The following AHCY variants were observed in gnomAD, a reference collection of about 807,000 sequenced individuals.
AHCY encodes S-adenosyl-L-homocysteine hydrolase.
Under a neutral mutation model 45.4 loss-of-function variants are expected in AHCY, and 24 were observed. The observed-to-expected ratio is 0.53, with a 90% CI of 0.38 to 0.74. AHCY has a LOEUF of 0.74. Ranked by LOEUF, AHCY falls within the 30% of genes least tolerant of loss-of-function variation. The pLI, the probability that AHCY is intolerant of heterozygous loss-of-function variation, is 0.00. For synonymous variants in AHCY, 245 were observed against 235.1 expected, an observed-to-expected ratio of 1.04 and a Z score of -0.39; for missense variants, 449 against 594.1, an observed-to-expected ratio of 0.76 and a Z score of 2.54.
At chr20:34,235,825 GAAAGAAAGAAA>G in the AHCY span, among the ~76,000 whole-genome samples, 2 of 62,152 alleles carry the variant, frequency 3.2e-5, no homozygotes, top group East Asian at 4.0e-4. Flanking sequence ...AAGAAAGAAA[GAAAGAAAGAAA>G]GAAAGAAGGA....
the AHCY span, among the ~76,000 whole-genome samples, chr20:34,239,006 T>G: frequency 6.6e-6 from 1 of 152,210 alleles, no homozygotes; most frequent in Non-Finnish European, 1.5e-5. Context: ...TAGAGCTTCC[T>G]ACTCTGCCAT....
At chr20:34,243,396 C>T in the AHCY span, among the ~76,000 whole-genome samples, 1 of 152,132 alleles carries the variant, frequency 6.6e-6, no homozygotes, top group African/African-American at 2.4e-5. Flanking sequence ...ATAGTGAAAT[C>T]GGTACGTGTA....
At chr20:34,279,656 AAAGGT>A (rs1168655359), downstream of AHCY, among the ~76,000 whole-genome samples, 1 of 152,174 alleles carries the variant, frequency 6.6e-6, no homozygotes, top group Non-Finnish European at 1.5e-5. Context: ...GGGAAAAAGA[AAAGGT>A]AAGAATTAAT....
the AHCY span, among the ~76,000 whole-genome samples, chr20:34,235,833 GAAAGAAA>G: frequency 7.6e-4 from 48 of 63,102 alleles, no homozygotes; most frequent in African/African-American, 5.4e-3. Context: ...AAGAAAGAAA[GAAAGAAA>G]GAAGGAAGGA....
chr20:34,271,327 C>G, the AHCY span, among the ~76,000 whole-genome samples: 1 of 152,184 alleles, frequency 6.6e-6, no homozygotes, highest in Non-Finnish European at 1.5e-5. Flanking sequence ...GGTCTAATGA[C>G]CAGAACTGAA....
chr20:34,303,418 G>A (rs1488392177), upstream of AHCY: 1 of 1,212,478 alleles, frequency 8.2e-7, no homozygotes, highest in Non-Finnish European at 1.2e-6. Context: ...ATGACCCGCT[G>A]GGGCGGGGCC....
chr20:34,249,217 C>T, the AHCY span, among the ~76,000 whole-genome samples: 3 of 152,110 alleles, frequency 2.0e-5, no homozygotes, highest in African/African-American at 7.2e-5. Flanking sequence ...CCAGAAGTCA[C>T]ACAGGGAGCT....
At chr20:34,259,931 C>CT in the AHCY span, among the ~76,000 whole-genome samples, 1 of 152,010 alleles carries the variant, frequency 6.6e-6, no homozygotes, top group Non-Finnish European at 1.5e-5. Context: ...ATCTTTCTCA[C>CT]TGAGACTTAA....
At chr20:34,307,618 C>T (rs1202642489), upstream of AHCY, among the ~76,000 whole-genome samples, 3 of 152,158 alleles carry the variant, frequency 2.0e-5, no homozygotes, top group African/African-American at 4.8e-5. Flanking sequence ...GTGATCCGCC[C>T]GCCCTGGCTT....
chr20:34,272,364 A>G, the AHCY span, among the ~76,000 whole-genome samples: 2 of 152,326 alleles, frequency 1.3e-5, no homozygotes, highest in African/African-American at 4.8e-5. Context: ...GCAGGCAAAC[A>G]ATCAGTTCTG....
chr20:34,243,958 A>G, the AHCY span, among the ~76,000 whole-genome samples: 14 of 152,098 alleles, frequency 9.2e-5, no homozygotes, highest in African/African-American at 1.7e-4. Context: ...CCAGCTACTC[A>G]GGAGGCTGAG....
the AHCY span, among the ~76,000 whole-genome samples, chr20:34,260,084 A>C: frequency 1.3e-5 from 2 of 150,296 alleles, no homozygotes; most frequent in Admixed American, 1.3e-4. Flanking sequence ...CCAACACACC[A>C]CCCTCTGGAC....
chr20:34,276,919 G>T (rs2035914325), downstream of AHCY, among the ~76,000 whole-genome samples: 1 of 152,124 alleles, frequency 6.6e-6, no homozygotes, highest in Admixed American at 6.5e-5. Context: ...CTAGTCCTGA[G>T]TAGGTCTCAG....
chr20:34,295,691 G>T, intron 1 of AHCY, 106 bp from the exon 2 acceptor site: 1 of 1,145,568 alleles, frequency 8.7e-7, no homozygotes. Context: ...AACACACTAG[G>T]GCTTAGCACT....
At chr20:34,261,534 T>C in the AHCY span, among the ~76,000 whole-genome samples, 8 of 152,190 alleles carry the variant, frequency 5.3e-5, no homozygotes, top group Non-Finnish European at 1.0e-4. Context: ...CTTGGGAGGC[T>C]GAGGCAGGAG....
chr20:34,251,119 T>C, the AHCY span, among the ~76,000 whole-genome samples: 16 of 152,180 alleles, frequency 1.1e-4, no homozygotes, highest in African/African-American at 3.9e-4. Flanking sequence ...CTCACTGCTA[T>C]TAATACAATT....
At chr20:34,293,866 C>T (rs770665638) in intron 3 of AHCY, 13 of 621,324 alleles carry the variant, frequency 2.1e-5, no homozygotes, top group Non-Finnish European at 3.2e-5. Context: ...CCTGGTTACA[C>T]GGCTTGACCT....
the AHCY span, among the ~76,000 whole-genome samples, chr20:34,237,529 T>C: frequency 1.3e-5 from 2 of 152,240 alleles, no homozygotes; most frequent in Admixed American, 1.3e-4. Flanking sequence ...TAAACTGATT[T>C]ATTAGTTCTA....
chr20:34,251,819 G>A, the AHCY span, among the ~76,000 whole-genome samples: 1 of 152,156 alleles, frequency 6.6e-6, no homozygotes, highest in Admixed American at 6.5e-5. Context: ...CTTCCACCTT[G>A]TGAGATTAGA....
Sources: allele counts gnomAD v4.1 joint callset (sites outside exome capture counted in the v4.1 genomes callset), GRCh38; gene constraint gnomAD v4.1.1; transcripts MANE v1.5; gene names NCBI Gene and HGNC (gene_info 2026-07-23, HGNC 2026-07-21).